ALG10B: variants seen among roughly 807,000 people sequenced by gnomAD.
ALG10B encodes ALG10 alpha-1,2-glucosyltransferase B.
Under a neutral mutation model 38.7 loss-of-function variants are expected in ALG10B, and 27 were observed. The ratio of observed to expected loss-of-function variants is 0.70; its 90% CI spans 0.51 to 0.96. ALG10B has a LOEUF of 0.96. Among genes scored for constraint, ALG10B ranks in the 40% least tolerant of loss-of-function variants. The pLI, the probability that ALG10B is intolerant of heterozygous loss-of-function variation, is 0.00. For synonymous variants in ALG10B, 177 were observed against 193.3 expected (o/e 0.92, Z 0.70); for missense variants, 522 against 542.7 (o/e 0.96, Z 0.38).
At position 38,325,866 on chromosome 12, in the gene ALG10B, A is replaced by G. The variant is rs1243453078; in HGVS notation, c.*4653A>G. ...TTCCTGCCATATACTCATAATATTT[A>G]TAAGTATGTCATATGATAAATATTG... On this transcript the variant is annotated 3_prime_UTR_variant, in exon 3 of 3. Coordinates refer to ENST00000308742, the MANE Select transcript of ALG10B (RefSeq NM_001013620.4). 7.9e-5 allele frequency: 12 copies of G among 152,186 alleles called. No homozygotes were observed. The allele number at this position is 152,186 out of a possible 1,614,324, so 9.4% of individuals were successfully genotyped here. A position where few individuals can be genotyped will look rare whatever the true frequency, so the allele number is the denominator to read the frequency against.
Position 38,321,053 on chromosome 12 carries a change from C to T in ALG10B, c.1262C>T (p.Pro421Leu). The change falls in exon 3 of 3, where the codon CCT becomes CTT. Residue 421 changes from proline (P) to leucine (L), a missense_variant. By Grantham distance (98) the Pro-to-Leu change is moderately conservative (BLOSUM62 -3). Coordinates refer to ENST00000308742, the MANE Select transcript of ALG10B (RefSeq NM_001013620.4). Reference sequence around the variant, plus strand: ...CTGGAATTTCGTTACTTCATTTTACCTTATGTCATTTATAGGCTTAACATA... The same window carrying T: ...CTGGAATTTCGTTACTTCATTTTACTTTATGTCATTTATAGGCTTAACATA... Reference protein sequence around the residue: ...KLLEFRYFILPYVIYRLNITL... With the variant: ...KLLEFRYFILLYVIYRLNITL... 2.5e-6 allele frequency: 4 copies of T among 1,613,688 alleles called. No individual in the cohort carries two copies. The highest frequency in any genetic ancestry group is 2.2e-5 in the South Asian group (2 of 91,028).
Position 38,318,195 on chromosome 12 carries a change from G to C in ALG10B, c.172-66G>C, listed in dbSNP as rs1208168352. 8 of 1,589,796 alleles carry C rather than the reference G, an allele frequency of 5.0e-6. No individual in the cohort carries two copies. In the South Asian group the frequency reaches 7.7e-5, roughly 15 times the overall value. On this transcript the variant is annotated intron_variant, in intron 1 of 2. Transcript: ENST00000308742. ...GTTGCTGGAGATGAGACTTGGGCTT[G>C]ACATATTTGTGTCTGTCTTGTTCGT...
rs1394288383 is a variant in ALG10B, at chr12:38,323,463, CTT to C, written c.*2251_*2252del. 6.5e-6 allele frequency: 1 copy of C among 153,928 alleles called. No homozygotes were observed. Among genetic ancestry groups the C allele is most frequent in the Non-Finnish European group, 1.4e-5 (1 of 69,340 alleles). The allele number at this position is 153,928 out of a possible 1,614,324, so 9.5% of individuals were successfully genotyped here. ...GGGCATGTTAACTTTGACATGTAAACTTAGAATTGTGAATAGAACTCATCTTT... is the reference window on the plus strand; with the variant it reads ...GGGCATGTTAACTTTGACATGTAAACAGAATTGTGAATAGAACTCATCTTT... On this transcript the variant is annotated 3_prime_UTR_variant, in exon 3 of 3. Coordinates refer to ENST00000308742, the MANE Select transcript of ALG10B (RefSeq NM_001013620.4).
rs1945716848 is a variant in ALG10B, at chr12:38,323,154, T to C, written c.*1941T>C. ...GTGGGATTGTTGGATCAGGAGATAA[T>C]ATCTTAGCTGATACCTTTTAAATAA... On this transcript the variant is annotated 3_prime_UTR_variant, in exon 3 of 3. Coordinates refer to ENST00000308742, the MANE Select transcript of ALG10B (RefSeq NM_001013620.4). 6.6e-6 allele frequency: 1 copy of C among 152,158 alleles called. No homozygotes were observed. Among genetic ancestry groups the C allele is most frequent in the Admixed American group, 6.5e-5 (1 of 15,270 alleles). The allele number at this position is 152,158 out of a possible 1,614,324, so 9.4% of individuals were successfully genotyped here.
chr12:38,320,889 T>A lies in ALG10B; in HGVS notation c.1098T>A (p.Tyr366Ter), dbSNP rs777713108. 1.2e-6 allele frequency: 2 copies of A among 1,613,728 alleles called. No homozygotes were observed. The highest frequency in any genetic ancestry group is 1.3e-5 in the African/African-American group (1 of 74,906). ...FYVWKRVFQRYAILKYLLVPA... is the reference protein window; with the variant it reads ...FYVWKRVFQR ...TGTGGAAAAGAGTTTTTCAAAGATA[T>A]GCAATTCTGAAATATTTGTTAGTTC... is the stretch of plus-strand genomic sequence containing the variant. The change falls in exon 3 of 3, where the codon TAT becomes TAA. Residue 366 changes from tyrosine to a stop codon, truncating the protein, a stop_gained. Coordinates refer to ENST00000308742, the MANE Select transcript of ALG10B (RefSeq NM_001013620.4). LOFTEE classifies it high-confidence loss of function.
At position 38,324,155 on chromosome 12, in the gene ALG10B, C is replaced by T. The variant is rs1945724306; in HGVS notation, c.*2942C>T. On this transcript the variant is annotated 3_prime_UTR_variant, in exon 3 of 3. Transcript: ENST00000308742. ...TCAAGCAGTTCTCCTGCCTCAGCCT[C>T]CCGAGTAGCTGAGATTATAGGCGCC... The T allele has an allele frequency of 4.2e-6, 2 of 478,816 alleles. No individual in the cohort carries two copies. Among genetic ancestry groups the T allele is most frequent in the East Asian group, 6.6e-5 (2 of 30,352 alleles). The allele number at this position is 478,816 out of a possible 1,614,324, so 29.7% of individuals were successfully genotyped here. A position where few individuals can be genotyped will look rare whatever the true frequency, so the allele number is the denominator to read the frequency against.
rs1945731237 is a variant in ALG10B, at chr12:38,324,892, T to A, written c.*3679T>A. On this transcript the variant is annotated 3_prime_UTR_variant, in exon 3 of 3. Coordinates refer to ENST00000308742, the MANE Select transcript of ALG10B (RefSeq NM_001013620.4). Reference sequence around the variant, plus strand: ...GGTGATTATGAAAAAAATATTGCCCTGCTCGAGGGCATCTGGAGCCCTACA... The same window carrying A: ...GGTGATTATGAAAAAAATATTGCCCAGCTCGAGGGCATCTGGAGCCCTACA... 6.6e-6 allele frequency: 1 copy of A among 152,216 alleles called. No homozygotes were observed. The allele number at this position is 152,216 out of a possible 1,614,324, so 9.4% of individuals were successfully genotyped here. A position where few individuals can be genotyped will look rare whatever the true frequency, so the allele number is the denominator to read the frequency against.
intron 1 of ALG10B, 172 bp from the exon 2 acceptor site, chr12:38,318,089 C>CA (rs775274141): frequency 3.7e-6 from 3 of 818,694 alleles, no homozygotes; most frequent in East Asian, 2.7e-5. Context: ...GGTCCGGGGG[C>CA]AAAAAATAAG....
chr12:38,320,357 A>C lies in ALG10B; in HGVS notation c.566A>C (p.Asn189Thr). ...GFCGFMFRQT[N>T]IIWAVFCAGN... ...TGTGGCTTCATGTTTCGGCAAACAAATATCATCTGGGCTGTCTTCTGTGCA... is the reference window on the plus strand; with the variant it reads ...TGTGGCTTCATGTTTCGGCAAACAACTATCATCTGGGCTGTCTTCTGTGCA... The change falls in exon 3 of 3, where the codon AAT becomes ACT. Residue 189 changes from asparagine (N) to threonine (T), a missense_variant. By Grantham distance (65) the Asn-to-Thr change is moderately conservative. Transcript: ENST00000308742. The C allele has an allele frequency of 6.2e-7, 1 of 1,614,138 alleles. No individual in the cohort carries two copies. Among genetic ancestry groups the C allele is most frequent in the Middle Eastern group, 1.7e-4 (1 of 6,060 alleles).
At chr12:38,319,692 C>A (rs1945684541) in intron 2 of ALG10B, among the ~76,000 whole-genome samples, 1 of 152,004 alleles carries the variant, frequency 6.6e-6, no homozygotes. Context: ...AAAATAAATA[C>A]CATATGCATG....
chr12:38,324,649 A>T lies in ALG10B; in HGVS notation c.*3436A>T, dbSNP rs1206977745. On this transcript the variant is annotated 3_prime_UTR_variant, in exon 3 of 3. Transcript: ENST00000308742. ...TAACAGATAAAATGATTATGTAAGA[A>T]CTTGGCACAACAGATCATTTTGCCT... 1 of 152,222 alleles carries T rather than the reference A, an allele frequency of 6.6e-6. No individual in the cohort carries two copies. Among genetic ancestry groups the T allele is most frequent in the Non-Finnish European group, 1.5e-5 (1 of 68,040 alleles). The allele number at this position is 152,222 out of a possible 1,614,324, so 9.4% of individuals were successfully genotyped here.
Position 38,324,286 on chromosome 12 carries a change from G to A in ALG10B, c.*3073G>A, listed in dbSNP as rs372334523. ...TGACCTCAGGTAATCCACCTGCCTC[G>A]CCTCCCAAAGTGCTGGGATTACAGG... On this transcript the variant is annotated 3_prime_UTR_variant, in exon 3 of 3. Transcript: ENST00000308742. 6.6e-4 allele frequency: 131 copies of A among 198,300 alleles called. No homozygotes were observed. The highest frequency in any genetic ancestry group is 2.8e-3 in the African/African-American group (121 of 43,042). The allele number at this position is 198,300 out of a possible 1,614,324, so 12.3% of individuals were successfully genotyped here.
chr12:38,324,092 G>T lies in ALG10B; in HGVS notation c.*2879G>T, dbSNP rs1945723725. On this transcript the variant is annotated 3_prime_UTR_variant, in exon 3 of 3. Coordinates refer to ENST00000308742, the MANE Select transcript of ALG10B (RefSeq NM_001013620.4). ...TTGTCCCCCAGGCTGGAATGCAATG[G>T]CGCGATCTTGGCTCACTGAAACCTC... is the stretch of plus-strand genomic sequence containing the variant. 2 of 597,388 alleles carry T rather than the reference G, an allele frequency of 3.3e-6. No individual in the cohort carries two copies. Among genetic ancestry groups the T allele is most frequent in the Admixed American group, 5.5e-5 (2 of 36,642 alleles). 37.0% of individuals were successfully genotyped at this position (597,388 alleles called of 1,614,324 possible).
chr12:38,328,260 A>G lies in ALG10B; in HGVS notation c.*7047A>G, dbSNP rs1287670145. 1 of 152,154 alleles carries G rather than the reference A, an allele frequency of 6.6e-6. No individual in the cohort carries two copies. Among genetic ancestry groups the G allele is most frequent in the Non-Finnish European group, 1.5e-5 (1 of 68,006 alleles). 9.4% of individuals were successfully genotyped at this position (152,154 alleles called of 1,614,324 possible). Reference sequence around the variant, plus strand: ...ATGACTTACATGCTGTCTTTGGTATATTTTAAGTTTCTAAACCAAAACTAC... The same window carrying G: ...ATGACTTACATGCTGTCTTTGGTATGTTTTAAGTTTCTAAACCAAAACTAC... On this transcript the variant is annotated 3_prime_UTR_variant, in exon 3 of 3. Coordinates refer to ENST00000308742, the MANE Select transcript of ALG10B (RefSeq NM_001013620.4).
At chr12:38,318,825 T>C (rs941873664) in intron 2 of ALG10B, among the ~76,000 whole-genome samples, 2 of 152,162 alleles carry the variant, frequency 1.3e-5, no homozygotes, top group African/African-American at 4.8e-5. Flanking sequence ...TGAGGACTTT[T>C]GATGTGGTAA....
chr12:38,318,307 T>C lies in ALG10B; in HGVS notation c.218T>C (p.Val73Ala), dbSNP rs754266717. The C allele has an allele frequency of 1.2e-6, 2 of 1,614,070 alleles. No homozygotes were observed. The highest frequency in any genetic ancestry group is 1.3e-5 in the African/African-American group (1 of 74,936). The change falls in exon 2 of 3, where the codon GTT (valine) becomes GCT (alanine). Residue 73 changes from valine to alanine, a missense_variant. Val to Ala is a moderately conservative substitution (Grantham distance 64). Transcript: ENST00000308742. The part of the protein sequence containing the change: ...TTLPGLYLVS[V>A]GVVKPAIWIF... Reference sequence around the variant, plus strand: ...TTACCTGGCTTGTACCTGGTGTCAGTTGGAGTGGTCAAACCTGCCATTTGG... The same window carrying C: ...TTACCTGGCTTGTACCTGGTGTCAGCTGGAGTGGTCAAACCTGCCATTTGG...
At chr12:38,316,689 C>T, upstream of ALG10B, 1 of 764,880 alleles carries the variant, frequency 1.3e-6, no homozygotes, top group Non-Finnish European at 2.2e-6. Flanking sequence ...TCATCCGGTC[C>T]GTTATCTAAA....
Position 38,318,273 on chromosome 12 carries a change from A to G in ALG10B, c.184A>G (p.Ile62Val), listed in dbSNP as rs879249621. ...HFSLSQWDPMITTLPGLYLVS... is the reference protein window; with the variant it reads ...HFSLSQWDPMVTTLPGLYLVS... ...TTTCATTTTAAAGTGGGATCCCATG[A>G]TTACTACATTACCTGGCTTGTACCT... The change falls in exon 2 of 3, where the codon ATT becomes GTT. Residue 62 changes from isoleucine to valine, a missense_variant. Coordinates refer to ENST00000308742, the MANE Select transcript of ALG10B (RefSeq NM_001013620.4). 1 of 1,613,922 alleles carries G rather than the reference A, an allele frequency of 6.2e-7. No homozygotes were observed. The highest frequency in any genetic ancestry group is 2.2e-5 in the East Asian group (1 of 44,870).
intron 2 of ALG10B, 144 bp from the exon 3 acceptor site, chr12:38,320,017 A>G: frequency 9.2e-7 from 1 of 1,090,988 alleles, no homozygotes; most frequent in East Asian, 2.6e-5. Context: ...GTTTTTGCAA[A>G]GCCAGAGATA....
Sources: allele counts gnomAD v4.1 joint callset (sites outside exome capture counted in the v4.1 genomes callset), GRCh38; gene constraint gnomAD v4.1.1; transcripts MANE v1.5; gene names NCBI Gene and HGNC (gene_info 2026-07-23, HGNC 2026-07-21).